The following SNX5 variants were observed in gnomAD, a reference collection of about 807,000 sequenced individuals.
SNX5 encodes the protein sorting nexin-5.
Under a neutral mutation model 53.9 loss-of-function variants are expected in SNX5, and 31 were observed. That is an observed-to-expected ratio of 0.58 (90% CI 0.43 to 0.78). SNX5 has a LOEUF of 0.78. Among genes scored for constraint, SNX5 ranks in the 30% least tolerant of loss-of-function variants. The probability of loss-of-function intolerance (pLI) is 0.00; values close to 1 mark genes in which losing one functional copy is unlikely to be tolerated. For missense variants in SNX5, 471 were observed against 478.8 expected (o/e 0.98, Z 0.15); for synonymous variants, 168 against 171.1 (o/e 0.98, Z 0.14).
At chr20:17,967,680 G>A in intron 1 of SNX5, 1 of 164,930 alleles carries the variant, frequency 6.1e-6, no homozygotes. Flanking sequence ...AAAAAGAGTG[G>A]AGGCTCGTCT....
At position 17,942,397 on chromosome 20, in the gene SNX5, G is replaced by C. The variant is rs1255467063; in HGVS notation, c.1175C>G (p.Ser392Cys). The change falls in exon 13 of 13, where the codon TCC becomes TGC. Residue 392 changes from serine to cysteine, a missense_variant. Coordinates refer to ENST00000377759, the MANE Select transcript of SNX5 (RefSeq NM_014426.4). ...LEIKHARNNV[S>C]LLQSCIDLFK... is the part of the protein sequence containing the mutation. ...CAAGTCAATACAGCTCTGCAAAAGG[G>C]AGACATTGTTCTGTGGGGAAAAAAG... 4 of 1,611,584 alleles carry C rather than the reference G, an allele frequency of 2.5e-6. No individual in the cohort carries two copies. The highest frequency in any genetic ancestry group is 2.5e-6 in the Non-Finnish European group (3 of 1,177,774).
In SNX5 at chr20:17,956,704, A is replaced by AAC. The variant is rs1568594187; in HGVS notation, c.156+228_156+229insGT. The stretch of plus-strand genomic sequence containing the variant: ...AAAAAAAAAAAAAAAAAAAAAAAAA[A>AAC]CAAAAAAACAATGCCCACAGCCCAG... On this transcript the variant is annotated intron_variant, in intron 2 of 12. Coordinates refer to ENST00000377759, the MANE Select transcript of SNX5 (RefSeq NM_014426.4). 8.9e-5 allele frequency among the ~76,000 whole-genome samples: 10 copies of AAC among 112,862 alleles called. 1 individual carries two copies. Among genetic ancestry groups the AAC allele is most frequent in the East Asian group, 8.2e-4 (3 of 3,662 alleles). 74.0% of individuals were successfully genotyped at this position (112,862 alleles called of 152,430 possible).
At chr20:17,960,956 A>G (rs1437273649) in intron 1 of SNX5, among the ~76,000 whole-genome samples, 1 of 152,206 alleles carries the variant, frequency 6.6e-6, no homozygotes, top group Admixed American at 6.5e-5. Context: ...TTCATGATGT[A>G]CTTCCCTACC....
intron 1 of SNX5, chr20:17,961,145 C>A: frequency 1.0e-6 from 1 of 985,420 alleles, no homozygotes; most frequent in Non-Finnish European, 1.2e-6. Flanking sequence ...CTCACCTATT[C>A]ATCAGCTTCC....
In SNX5 at chr20:17,960,968, G is replaced by A. The variant is rs80021334; in HGVS notation, c.52-3931C>T. On this transcript the variant is annotated intron_variant, in intron 1 of 12. Transcript: ENST00000377759. ...CAGTTCATGATGTACTTCCCTACCA[G>A]GTCAATCCTTACAATACGGATTATA... Among the ~76,000 whole-genome samples, 41 of 152,248 alleles carry A rather than the reference G, an allele frequency of 2.7e-4. No homozygotes were observed. In the East Asian group the frequency reaches 7.5e-3, roughly 28 times the overall value.
chr20:17,954,813 C>T (rs1335082705), intron 3 of SNX5, among the ~76,000 whole-genome samples: 3 of 152,142 alleles, frequency 2.0e-5, no homozygotes, highest in African/African-American at 7.2e-5. Context: ...CAAGTTCAAG[C>T]GATTCTCATG....
At chr20:17,963,078 C>T (rs765849637) in intron 1 of SNX5, 2 of 354,760 alleles carry the variant, frequency 5.6e-6, no homozygotes, top group Admixed American at 3.7e-5. Context: ...CAAATGAATT[C>T]ACAAAGCAAA....
chr20:17,950,875 T>C (rs8120332), intron 6 of SNX5: 19,861 of 158,432 alleles, frequency 0.13, 1,367 homozygotes, highest in Middle Eastern at 0.19. Flanking sequence ...AGTCCGAGTT[T>C]CCTAATTTCT....
Position 17,942,518 on chromosome 20 carries a change from G to C in SNX5, c.1165-111C>G, listed in dbSNP as rs2039431703. ...TTCACGGGAGGTTTAAAGTCAGCCA[G>C]AGCAAGCTGGCCCTTCTCTTCATCA... On this transcript the variant is annotated intron_variant, in intron 12 of 12. Coordinates refer to ENST00000377759, the MANE Select transcript of SNX5 (RefSeq NM_014426.4). 6.3e-6 allele frequency: 5 copies of C among 799,302 alleles called. No individual in the cohort carries two copies. The Admixed American group carries it at 9.1e-5, about 15-fold the overall frequency. The allele number at this position is 799,302 out of a possible 1,614,324, so 49.5% of individuals were successfully genotyped here.
At chr20:17,955,230 G>T in intron 3 of SNX5, 135 bp downstream of exon 3, 1 of 629,754 alleles carries the variant, frequency 1.6e-6, no homozygotes, top group Non-Finnish European at 2.8e-6. Flanking sequence ...CCACTTGACA[G>T]TCAGCAAATA....
intron 8 of SNX5, among the ~76,000 whole-genome samples, chr20:17,949,805 T>C (rs1419945368): frequency 2.6e-5 from 4 of 152,082 alleles, no homozygotes; most frequent in Admixed American, 1.3e-4. Context: ...CCAGGCAAAA[T>C]TGCAAGCACC....
chr20:17,946,725 G>A (rs1027349421), intron 11 of SNX5, among the ~76,000 whole-genome samples: 1 of 152,188 alleles, frequency 6.6e-6, no homozygotes, highest in Non-Finnish European at 1.5e-5. Context: ...GCTAAACCTA[G>A]GGAGGAAGTT....
rs1207142763 is a variant in SNX5, at chr20:17,941,646, C to T, written c.*711G>A. 2.6e-5 allele frequency: 4 copies of T among 152,136 alleles called. No homozygotes were observed. The highest frequency in any genetic ancestry group is 9.7e-5 in the African/African-American group (4 of 41,390). 9.4% of individuals were successfully genotyped at this position (152,136 alleles called of 1,614,324 possible). ...TATATGCTTTATAAAAAAACAAACA[C>T]CCAAAGACATACAACACACCGCCCT... is the stretch of plus-strand genomic sequence containing the variant. On this transcript the variant is annotated 3_prime_UTR_variant, in exon 13 of 13. Coordinates refer to ENST00000377759, the MANE Select transcript of SNX5 (RefSeq NM_014426.4).
intron 8 of SNX5, among the ~76,000 whole-genome samples, chr20:17,949,533 G>C (rs901073180): frequency 1.3e-5 from 2 of 152,156 alleles, no homozygotes; most frequent in Admixed American, 1.3e-4. Context: ...GTAAAATATT[G>C]TCTTACACCA....
chr20:17,961,882 C>A (rs2035457719), intron 1 of SNX5: 16 of 985,360 alleles, frequency 1.6e-5, no homozygotes, highest in Non-Finnish European at 1.9e-5. Context: ...GGAAAGATAT[C>A]CACACCTTGC....
chr20:17,949,854 T>G (rs926869754), intron 8 of SNX5, among the ~76,000 whole-genome samples: 3 of 152,076 alleles, frequency 2.0e-5, no homozygotes, highest in Non-Finnish European at 4.4e-5. Flanking sequence ...TCTTACAAAC[T>G]CCAAAACTAA....
chr20:17,941,649 A>C lies in SNX5; in HGVS notation c.*708T>G, dbSNP rs931587892. 2 of 152,164 alleles carry C rather than the reference A, an allele frequency of 1.3e-5. No homozygotes were observed. Among genetic ancestry groups the C allele is most frequent in the African/African-American group, 4.8e-5 (2 of 41,410 alleles). 9.4% of individuals were successfully genotyped at this position (152,164 alleles called of 1,614,324 possible). ...ATGCTTTATAAAAAAACAAACACCC[A>C]AAGACATACAACACACCGCCCTCAC... On this transcript the variant is annotated 3_prime_UTR_variant, in exon 13 of 13. Transcript: ENST00000377759.
In SNX5 at chr20:17,968,690, TG is replaced by T. The variant is rs1303534478; in HGVS notation, c.-266del. On this transcript the variant is annotated 5_prime_UTR_variant, in exon 1 of 13. Coordinates refer to ENST00000377759, the MANE Select transcript of SNX5 (RefSeq NM_014426.4). ...CTTGGAGCCGGGCAAAGACGCCACG[TG>T]GGGCCTACCCTTGCTCCGCTCCACG... 3.6e-6 allele frequency: 2 copies of T among 561,464 alleles called. No individual in the cohort carries two copies. The highest frequency in any genetic ancestry group is 2.7e-5 in the Admixed American group (1 of 36,742). 34.8% of individuals were successfully genotyped at this position (561,464 alleles called of 1,614,324 possible).
chr20:17,947,417 T>C (rs577989884), intron 11 of SNX5, 69 bp downstream of exon 11: 197 of 1,549,532 alleles, frequency 1.3e-4, no homozygotes, highest in Middle Eastern at 5.2e-4. Flanking sequence ...TTTGCACTAT[T>C]TGTAGAACTT....
Sources: gnomAD v4.1 joint callset for allele counts (sites outside exome capture counted in the v4.1 genomes callset) on GRCh38, gnomAD v4.1.1 for gene constraint, MANE v1.5 for transcripts, NCBI Gene and HGNC (gene_info 2026-07-23, HGNC 2026-07-21) for gene names.